Variants in SEMA4F observed in about 807,000 individuals in gnomAD.
The protein encoded by SEMA4F is ssemaphorin 4F.
A neutral mutation model predicts 78.4 loss-of-function variants in SEMA4F; 51 were observed. The observed-to-expected ratio is 0.65, with a 90% confidence interval of 0.52 to 0.82. The LOEUF (loss-of-function observed/expected upper bound fraction) is 0.82, where lower values mean the gene tolerates loss of function less well. SEMA4F is among the 40% of genes least tolerant of loss of function. The probability of loss-of-function intolerance (pLI) is 0.00; values close to 1 mark genes in which losing one functional copy is unlikely to be tolerated. For synonymous variants in SEMA4F, 418 were observed against 408.7 expected, an observed-to-expected ratio of 1.02 and a Z score of -0.27; for missense variants, 938 against 1,014.4, an observed-to-expected ratio of 0.92 and a Z score of 1.02.
At chr2:74,688,507 AAAAG>A (rs1685862922), downstream of SEMA4F, among the ~76,000 whole-genome samples, 1 of 152,266 alleles carries the variant, frequency 6.6e-6, no homozygotes, top group African/African-American at 2.4e-5. Context: ...AAATGAAAAT[AAAAG>A]AAACAGGAAA....
Position 74,681,109 on chromosome 2 carries a change from A to G in SEMA4F, c.*900A>G, listed in dbSNP as rs530303004. The G allele has an allele frequency of 5.2e-5, 8 of 152,650 alleles. No individual in the cohort carries two copies. The highest frequency in any genetic ancestry group is 2.0e-4 in the Admixed American group (3 of 15,294). 9.5% of individuals were successfully genotyped at this position (152,650 alleles called of 1,614,324 possible). On this transcript the variant is annotated 3_prime_UTR_variant, in exon 14 of 14. Coordinates refer to ENST00000357877, the MANE Select transcript of SEMA4F (RefSeq NM_004263.5). ...CTGGCTGGAGTGTAGGCTGTACCCC[A>G]TTTCCTTGGCTCCCATTAAAAATCA...
At chr2:74,707,620 A>T in the SEMA4F span, among the ~76,000 whole-genome samples, 1 of 152,094 alleles carries the variant, frequency 6.6e-6, no homozygotes, top group South Asian at 2.1e-4. Flanking sequence ...CACAATAAAG[A>T]TATATGAAGG....
At chr2:74,654,594 C>G (rs1684021645) in intron 1 of SEMA4F, 73 bp downstream of exon 1, 2 of 1,334,228 alleles carry the variant, frequency 1.5e-6, no homozygotes, top group Non-Finnish European at 2.0e-6. Flanking sequence ...CTCCTCAGAC[C>G]GCTCGGCCGG....
intron 13 of SEMA4F, 91 bp from the exon 14 acceptor site, chr2:74,679,508 C>T: frequency 6.5e-7 from 1 of 1,533,252 alleles, no homozygotes; most frequent in Non-Finnish European, 8.8e-7. Flanking sequence ...TCCATAGCCC[C>T]TTTTCATGTC....
chr2:74,654,320 G>C lies in SEMA4F; in HGVS notation c.-57G>C, dbSNP rs1331296786. On this transcript the variant is annotated 5_prime_UTR_variant, in exon 1 of 14. Coordinates refer to ENST00000357877, the MANE Select transcript of SEMA4F (RefSeq NM_004263.5). ...GAGTGGGGCCGAGGCCAGTAGCCCC[G>C]GGGCCCTGAGCAGAGGCCGTAGCTT... The C allele has an allele frequency of 2.2e-6, 3 of 1,389,840 alleles. No individual in the cohort carries two copies. The highest frequency in any genetic ancestry group is 2.8e-6 in the Non-Finnish European group (3 of 1,078,152). 86.1% of individuals were successfully genotyped at this position (1,389,840 alleles called of 1,614,324 possible). A position where few individuals can be genotyped will look rare whatever the true frequency, so the allele number is the denominator to read the frequency against.
At chr2:74,689,387 C>G in the SEMA4F span, among the ~76,000 whole-genome samples, 4 of 152,094 alleles carry the variant, frequency 2.6e-5, no homozygotes, top group African/African-American at 9.7e-5. Flanking sequence ...GGAGAGTGGG[C>G]ATTCTATACT....
rs1685476517 is a variant in SEMA4F, at chr2:74,679,580, C to A, written c.1703-19C>A. 3.8e-6 allele frequency: 6 copies of A among 1,580,364 alleles called. No individual in the cohort carries two copies. Among genetic ancestry groups the A allele is most frequent in the Non-Finnish European group, 5.2e-6 (6 of 1,161,840 alleles). On this transcript the variant is annotated intron_variant, in intron 13 of 13. Transcript: ENST00000357877. Reference sequence around the variant, plus strand: ...GCCTTTAGCCTCACCTCCTTTTGTGCCTTTGCTGTTTCTCACAGAACGTCC... The same window carrying A: ...GCCTTTAGCCTCACCTCCTTTTGTGACTTTGCTGTTTCTCACAGAACGTCC...
At position 74,682,664 on chromosome 2, in the gene SEMA4F, A is replaced by G. The variant is rs1039605913; in HGVS notation, c.*2455A>G. The G allele has an allele frequency of 3.3e-5, 5 of 152,192 alleles. No individual in the cohort carries two copies. Among genetic ancestry groups the G allele is most frequent in the Non-Finnish European group, 5.9e-5 (4 of 68,096 alleles). The allele number at this position is 152,192 out of a possible 1,614,324, so 9.4% of individuals were successfully genotyped here. ...GTGTTCTTTGGTTTACCCTCAGCCT[A>G]TCTTTCAACCCCACTCACTTGAGGT... On this transcript the variant is annotated 3_prime_UTR_variant, in exon 14 of 14. Transcript: ENST00000357877.
Position 74,680,297 on chromosome 2 carries a change from T to C in SEMA4F, c.*88T>C, listed in dbSNP as rs1573271050. On this transcript the variant is annotated 3_prime_UTR_variant, in exon 14 of 14. Coordinates refer to ENST00000357877, the MANE Select transcript of SEMA4F (RefSeq NM_004263.5). ...GGGGGTCACTGGGCCTGGAAGACCA[T>C]CCCAGCCTCTGAGTTCTCTTTGAGT... 2 of 1,429,554 alleles carry C rather than the reference T, an allele frequency of 1.4e-6. No individual in the cohort carries two copies. The allele number at this position is 1,429,554 out of a possible 1,614,324, so 88.6% of individuals were successfully genotyped here.
chr2:74,657,481 T>C, intron 2 of SEMA4F, 84 bp from the exon 3 acceptor site: 1 of 1,338,474 alleles, frequency 7.5e-7, no homozygotes, highest in Middle Eastern at 1.8e-4. Flanking sequence ...TGATGGAGGT[T>C]ATAGAACAGT....
chr2:74,656,034 A>G (rs1420605647), intron 1 of SEMA4F, among the ~76,000 whole-genome samples: 1 of 150,246 alleles, frequency 6.7e-6, no homozygotes, highest in African/African-American at 2.5e-5. Context: ...TTTGAAGCGG[A>G]GTCTTGCTCT....
the SEMA4F span, among the ~76,000 whole-genome samples, chr2:74,692,589 A>G: frequency 6.6e-6 from 1 of 152,240 alleles, no homozygotes; most frequent in Non-Finnish European, 1.5e-5. Context: ...TCACTCAGGC[A>G]AGGTGGGCAG....
chr2:74,672,440 T>C (rs1685033379), intron 5 of SEMA4F, among the ~76,000 whole-genome samples: 1 of 152,244 alleles, frequency 6.6e-6, no homozygotes, highest in African/African-American at 2.4e-5. Flanking sequence ...ATGGGGGTTC[T>C]TGGGGCCAGG....
intron 5 of SEMA4F, among the ~76,000 whole-genome samples, chr2:74,672,783 C>G (rs903469298): frequency 1.3e-5 from 2 of 152,100 alleles, no homozygotes; most frequent in African/African-American, 4.8e-5. Context: ...TGTTGTTTCT[C>G]CTGGCTGCCT....
chr2:74,657,546 A>T lies in SEMA4F; in HGVS notation c.298-19A>T, dbSNP rs757494834. On this transcript the variant is annotated intron_variant, in intron 2 of 13. Coordinates refer to ENST00000357877, the MANE Select transcript of SEMA4F (RefSeq NM_004263.5). Reference sequence around the variant, plus strand: ...ATGTTAGGGGAATCTGGGTGAAATGATCACTTCTCCTTTCTCAGATTGACT... The same window carrying T: ...ATGTTAGGGGAATCTGGGTGAAATGTTCACTTCTCCTTTCTCAGATTGACT... 9.9e-6 allele frequency: 16 copies of T among 1,613,068 alleles called. No homozygotes were observed. The highest frequency in any genetic ancestry group is 1.3e-5 in the Non-Finnish European group (15 of 1,179,126).
intron 12 of SEMA4F, among the ~76,000 whole-genome samples, chr2:74,676,576 AG>A (rs1298081651): frequency 6.6e-6 from 1 of 152,144 alleles, no homozygotes; most frequent in African/African-American, 2.4e-5. Flanking sequence ...ATTCCAGTAA[AG>A]GGACCTCCAT....
Position 74,681,941 on chromosome 2 carries a change from C to G in SEMA4F, c.*1732C>G, listed in dbSNP as rs920101891. 1.3e-5 allele frequency: 2 copies of G among 152,652 alleles called. No homozygotes were observed. The highest frequency in any genetic ancestry group is 2.9e-5 in the Non-Finnish European group (2 of 68,052). 9.5% of individuals were successfully genotyped at this position (152,652 alleles called of 1,614,324 possible). On this transcript the variant is annotated 3_prime_UTR_variant, in exon 14 of 14. Coordinates refer to ENST00000357877, the MANE Select transcript of SEMA4F (RefSeq NM_004263.5). Reference sequence around the variant, plus strand: ...AAATGTGTGATCTTCGGCAAGTAACCTAACCTAGGGACATCAGTTTACTCA... The same window carrying G: ...AAATGTGTGATCTTCGGCAAGTAACGTAACCTAGGGACATCAGTTTACTCA...
At chr2:74,707,355 TTATC>T in the SEMA4F span, among the ~76,000 whole-genome samples, 1 of 152,242 alleles carries the variant, frequency 6.6e-6, no homozygotes, top group Non-Finnish European at 1.5e-5. Flanking sequence ...TGTGTGCAGA[TTATC>T]TATTTATCTA....
intron 5 of SEMA4F, among the ~76,000 whole-genome samples, chr2:74,663,045 A>G (rs1417815674): frequency 6.6e-6 from 1 of 152,104 alleles, no homozygotes; most frequent in Non-Finnish European, 1.5e-5. Context: ...TGTCCTCTGC[A>G]CCTCTAGTGT....
Sources: gnomAD v4.1 joint callset for allele counts (sites outside exome capture counted in the v4.1 genomes callset) on GRCh38, gnomAD v4.1.1 for gene constraint, MANE v1.5 for transcripts, NCBI Gene and HGNC (gene_info 2026-07-23, HGNC 2026-07-21) for gene names.